DCT: variants seen among roughly 807,000 people sequenced by gnomAD.
DCT encodes L-dopachrome tautomerase.
Under a neutral mutation model 53.0 loss-of-function variants are expected in DCT, and 47 were observed. That is an observed-to-expected ratio of 0.89 (90% CI 0.70 to 1.13). The LOEUF (loss-of-function observed/expected upper bound fraction) is 1.13, where lower values mean the gene tolerates loss of function less well. Ranked by LOEUF, DCT falls within the 50% of genes most tolerant of loss-of-function variation. The probability of loss-of-function intolerance (pLI) is 0.00; values close to 1 mark genes in which losing one functional copy is unlikely to be tolerated. For synonymous variants in DCT, 244 were observed against 237.0 expected (o/e 1.03, Z -0.27); for missense variants, 669 against 637.4 (o/e 1.05, Z -0.53).
chr13:94,538,764 T>C, the DCT span, among the ~76,000 whole-genome samples: 4 of 152,186 alleles, frequency 2.6e-5, no homozygotes, highest in African/African-American at 9.7e-5. Flanking sequence ...AGTTTCTCTC[T>C]TTACCTGGGA....
At chr13:94,461,955 C>T in intron 5 of DCT, 55 bp downstream of exon 5, 2 of 1,481,196 alleles carry the variant, frequency 1.4e-6, no homozygotes, top group Non-Finnish European at 1.8e-6. Context: ...TTTACAATCA[C>T]AGGCATGAAA....
rs61365279 is a variant in DCT, at chr13:94,442,732, G to A, written c.1381+704C>T. 4.5e-3 allele frequency among the ~76,000 whole-genome samples: 688 copies of A among 152,304 alleles called. 5 individuals are homozygous for A. The highest frequency in any genetic ancestry group is 0.016 in the African/African-American group (672 of 41,558). ...TCCCACGTAGCCCAATCTGTTGGTA[G>A]ACCAATCAATGTCAGCCTTCATGAA... On this transcript the variant is annotated intron_variant, in intron 7 of 7. Coordinates refer to ENST00000377028, the MANE Select transcript of DCT (RefSeq NM_001922.5).
chr13:94,452,472 C>A, intron 6 of DCT: 1 of 604,040 alleles, frequency 1.7e-6, no homozygotes, highest in Non-Finnish European at 2.9e-6. Flanking sequence ...GGAACTGTGG[C>A]TCTGACACAT....
Position 94,469,008 on chromosome 13 carries a change from A to C in DCT, c.333T>G (p.Phe111Leu), listed in dbSNP as rs1240325777. 6.2e-7 allele frequency: 1 copy of C among 1,614,036 alleles called. No homozygotes were observed. Among genetic ancestry groups the C allele is most frequent in the Non-Finnish European group, 8.5e-7 (1 of 1,179,998 alleles). The change falls in exon 2 of 8, where the codon TTT becomes TTG. Residue 111 changes from phenylalanine to leucine, a missense_variant. Transcript: ENST00000377028. ...GCTCGCAGTTGGGACCGGTCCAGCC[A>C]AACTTGCAGTCTCCACAATTATAGC... ...FAGYNCGDCKFGWTGPNCERK... is the reference protein window; with the variant it reads ...FAGYNCGDCKLGWTGPNCERK...
chr13:94,532,058 G>T, the DCT span, among the ~76,000 whole-genome samples: 1 of 152,172 alleles, frequency 6.6e-6, no homozygotes, highest in Non-Finnish European at 1.5e-5. Context: ...CTGGTCATCA[G>T]AGAAATGCAA....
chr13:94,536,235 C>A, the DCT span, among the ~76,000 whole-genome samples: 8 of 152,148 alleles, frequency 5.3e-5, no homozygotes, highest in Admixed American at 1.3e-4. Flanking sequence ...ATGCCATGTA[C>A]CAAAAGGCCT....
the DCT span, among the ~76,000 whole-genome samples, chr13:94,499,971 C>A: frequency 2.6e-5 from 4 of 152,164 alleles, no homozygotes; most frequent in African/African-American, 9.7e-5. Flanking sequence ...GATAATCAAG[C>A]TAATTAACAT....
intron 1 of DCT, among the ~76,000 whole-genome samples, chr13:94,471,854 T>A (rs1884666998): frequency 6.6e-6 from 1 of 152,180 alleles, no homozygotes; most frequent in African/African-American, 2.4e-5. Context: ...TGGATGATAA[T>A]AATGTCGGTA....
At chr13:94,546,357 A>G in the DCT span, among the ~76,000 whole-genome samples, 1 of 152,058 alleles carries the variant, frequency 6.6e-6, no homozygotes, top group African/African-American at 2.4e-5. This position sits in a 1 kb window ranked among gnomAD's most constrained non-coding sequence, Gnocchi z 4.2. Context: ...CTCTCCGTTA[A>G]TCCCTCATTG....
chr13:94,476,135 C>T (rs1432000598), intron 1 of DCT, among the ~76,000 whole-genome samples: 1 of 149,948 alleles, frequency 6.7e-6, no homozygotes, highest in African/African-American at 2.5e-5. Context: ...AAGAACAGGC[C>T]CTATTTATTT....
intron 7 of DCT, among the ~76,000 whole-genome samples, chr13:94,440,498 G>A (rs1337867371): frequency 1.3e-5 from 2 of 151,904 alleles, no homozygotes; most frequent in African/African-American, 4.8e-5. Flanking sequence ...TGATAAACCT[G>A]TGAGAGGGAT....
the DCT span, among the ~76,000 whole-genome samples, chr13:94,536,115 T>C: frequency 3.1e-3 from 466 of 152,302 alleles, 2 homozygotes; most frequent in African/African-American, 0.011. Flanking sequence ...AAATTTAGCC[T>C]TTTATTTAAG....
the DCT span, among the ~76,000 whole-genome samples, chr13:94,513,987 C>CAAAAAAAAAAAAAAAAAAAA: frequency 1.9e-5 from 1 of 53,202 alleles, no homozygotes; most frequent in Non-Finnish European, 3.4e-5. Flanking sequence ...AACTCTGTCT[C>CAAAAAAAAAAAAAAAAAAAA]AAAAAAAAAA....
At chr13:94,547,032 G>A in the DCT span, among the ~76,000 whole-genome samples, 1 of 152,058 alleles carries the variant, frequency 6.6e-6, no homozygotes, top group Non-Finnish European at 1.5e-5. Context: ...AAAACCCTAA[G>A]TCAGAGGTCA....
chr13:94,520,164 G>T, the DCT span, among the ~76,000 whole-genome samples: 1 of 152,036 alleles, frequency 6.6e-6, no homozygotes, highest in Admixed American at 6.6e-5. Flanking sequence ...ACAATTCAAG[G>T]CTCTATTTCA....
rs75058756 is a variant in DCT, at chr13:94,439,042, C to G, written c.*856G>C. The G allele has an allele frequency of 0.043, 7,706 of 181,162 alleles. 651 individuals are homozygous for G. Among genetic ancestry groups the G allele is most frequent in the African/African-American group, 0.17 (7,214 of 41,954 alleles). 11.2% of individuals were successfully genotyped at this position (181,162 alleles called of 1,614,324 possible). On this transcript the variant is annotated 3_prime_UTR_variant, in exon 8 of 8. Coordinates refer to ENST00000377028, the MANE Select transcript of DCT (RefSeq NM_001922.5). ...GTTTACAGCCTCACCAGCCTTCAGT[C>G]AGCCTTCCTTGGAAAGAGTAATTCT... is the stretch of plus-strand genomic sequence containing the variant.
Position 94,479,340 on chromosome 13 carries a change from C to A in DCT, c.-85G>T. The A allele has an allele frequency of 8.4e-7, 1 of 1,196,678 alleles. No homozygotes were observed. The highest frequency in any genetic ancestry group is 1.1e-6 in the Non-Finnish European group (1 of 869,880). The allele number at this position is 1,196,678 out of a possible 1,614,324, so 74.1% of individuals were successfully genotyped here. A position where few individuals can be genotyped will look rare whatever the true frequency, so the allele number is the denominator to read the frequency against. On this transcript the variant is annotated 5_prime_UTR_variant, in exon 1 of 8. Transcript: ENST00000377028. ...TCTCCTTATCTTCTACTCTTTCAGT[C>A]TTTTCTTTTCAGTATTTTTTATTTT...
the DCT span, among the ~76,000 whole-genome samples, chr13:94,524,246 G>C: frequency 6.6e-6 from 1 of 152,222 alleles, no homozygotes; most frequent in Admixed American, 6.5e-5. Flanking sequence ...GACAGGTGCA[G>C]GAAACTCAAT....
At chr13:94,476,638 G>C (rs986811567) in intron 1 of DCT, among the ~76,000 whole-genome samples, 2 of 151,830 alleles carry the variant, frequency 1.3e-5, no homozygotes, top group Non-Finnish European at 2.9e-5. Flanking sequence ...ACCACACCTC[G>C]CTAATTTTTG....
Sources: allele counts gnomAD v4.1 joint callset (sites outside exome capture counted in the v4.1 genomes callset), GRCh38; gene constraint gnomAD v4.1.1; non-coding constraint Gnocchi (gnomAD v3.1); transcripts MANE v1.5; gene names NCBI Gene and HGNC (gene_info 2026-07-23, HGNC 2026-07-21).